Variants in PGM1 observed in about 807,000 individuals in gnomAD.
PGM1 encodes phosphoglucomutase 1.
A neutral mutation model predicts 55.6 loss-of-function variants in PGM1; 52 were observed. The ratio of observed to expected loss-of-function variants is 0.94; its 90% confidence interval spans 0.75 to 1.18. The LOEUF (loss-of-function observed/expected upper bound fraction) is 1.18, where lower values mean the gene tolerates loss of function less well. Among genes scored for constraint, PGM1 ranks in the 50% most tolerant of loss-of-function variants. PGM1 has a pLI of 0.00. For synonymous variants in PGM1, 287 were observed against 271.7 expected, an observed-to-expected ratio of 1.06 and a Z score of -0.55; for missense variants, 724 against 729.3, an observed-to-expected ratio of 0.99 and a Z score of 0.08.
In PGM1 at chr1:63,631,913, A is replaced by G. The variant is rs916617378; in HGVS notation, c.682+131A>G. 5.6e-6 allele frequency: 5 copies of G among 888,274 alleles called. No homozygotes were observed. The African/African-American group carries it at 8.3e-5, about 15-fold the overall frequency. 55.0% of individuals were successfully genotyped at this position (888,274 alleles called of 1,614,324 possible). ...GGTTTTTAAATAGAGTTATTTTGCAACCAGAGCAATATTCACACAGATAAA... is the reference window on the plus strand; with the variant it reads ...GGTTTTTAAATAGAGTTATTTTGCAGCCAGAGCAATATTCACACAGATAAA... On this transcript the variant is annotated intron_variant, in intron 4 of 10. Transcript: ENST00000371084.
intron 3 of PGM1, among the ~76,000 whole-genome samples, chr1:63,631,109 T>C (rs1649181096): frequency 6.6e-6 from 1 of 152,206 alleles, no homozygotes; most frequent in Non-Finnish European, 1.5e-5. Context: ...TACTAAGTTC[T>C]TATATTTATA....
intron 1 of PGM1, among the ~76,000 whole-genome samples, chr1:63,620,677 T>C (rs997220258): frequency 6.6e-6 from 1 of 152,216 alleles, no homozygotes. Context: ...GTATCACTGC[T>C]GATGCAAATG....
Position 63,593,703 on chromosome 1 carries a change from A to G in PGM1, c.215A>G (p.Gln72Arg), listed in dbSNP as rs1467264643. The G allele has an allele frequency of 6.2e-7, 1 of 1,602,338 alleles. No individual in the cohort carries two copies. Among genetic ancestry groups the G allele is most frequent in the Non-Finnish European group, 8.5e-7 (1 of 1,176,240 alleles). Residue 72 changes from glutamine to arginine, a missense_variant, in exon 1 of 11, where the codon CAG (glutamine) becomes CGG (arginine). Gln to Arg is a conservative substitution (Grantham distance 43). Coordinates refer to ENST00000371084, the MANE Select transcript of PGM1 (RefSeq NM_002633.3). ...DGRFYMKEAI[Q>R]LIARIAAANG... ...CGGTTCTACATGAAGGAGGCCATCC[A>G]GCTCATCGCTCGCATCGCTGCCGCC...
At chr1:63,596,600 C>T (rs1648079773) in intron 1 of PGM1, among the ~76,000 whole-genome samples, 1 of 152,044 alleles carries the variant, frequency 6.6e-6, no homozygotes, top group Non-Finnish European at 1.5e-5. Flanking sequence ...TGATTTTGTT[C>T]ACTCTCTCTA....
chr1:63,633,668 T>C (rs1364585194), intron 4 of PGM1, among the ~76,000 whole-genome samples: 1 of 150,172 alleles, frequency 6.7e-6, no homozygotes, highest in Admixed American at 6.7e-5. Flanking sequence ...GGTGGGTTTT[T>C]TATTTTCTTT....
chr1:63,605,119 C>G (rs1342566368), intron 1 of PGM1, among the ~76,000 whole-genome samples: 1 of 152,090 alleles, frequency 6.6e-6, no homozygotes, highest in Non-Finnish European at 1.5e-5. Flanking sequence ...GGGAGGAACT[C>G]TATCCACCTG....
At chr1:63,639,245 A>G (rs182698606) in intron 7 of PGM1, among the ~76,000 whole-genome samples, 4 of 152,308 alleles carry the variant, frequency 2.6e-5, no homozygotes, top group African/African-American at 7.2e-5. Flanking sequence ...CAAGTTTTCT[A>G]TAGCAGAGTA....
In PGM1 at chr1:63,651,814, T is replaced by C. The variant is rs1285779864; in HGVS notation, c.1426T>C (p.Tyr476His). The C allele has an allele frequency of 1.9e-6, 3 of 1,613,970 alleles. No homozygotes were observed. The highest frequency in any genetic ancestry group is 2.5e-6 in the Non-Finnish European group (3 of 1,179,970). Residue 476 changes from tyrosine (Y) to histidine (H), a missense_variant, in exon 9 of 11, where the codon TAC becomes CAC. Coordinates refer to ENST00000371084, the MANE Select transcript of PGM1 (RefSeq NM_002633.3). ...TGTGGAGAAGGCCGATAACTTTGAATACAGCGACCCAGTGGATGGAAGCAT... is the reference window on the plus strand; with the variant it reads ...TGTGGAGAAGGCCGATAACTTTGAACACAGCGACCCAGTGGATGGAAGCAT... ...YTVEKADNFE[Y>H]SDPVDGSISR...
chr1:63,654,847 CATTTA>C (rs1465411803), intron 10 of PGM1, among the ~76,000 whole-genome samples: 2 of 152,042 alleles, frequency 1.3e-5, no homozygotes, highest in Admixed American at 6.5e-5. Flanking sequence ...AAAATATACT[CATTTA>C]ATTCTCAAAT....
intron 1 of PGM1, among the ~76,000 whole-genome samples, chr1:63,598,621 A>G (rs1197626780): frequency 6.6e-6 from 1 of 152,234 alleles, no homozygotes; most frequent in Non-Finnish European, 1.5e-5. Flanking sequence ...CATTTATAAT[A>G]AAAGGAGGTG....
intron 10 of PGM1, among the ~76,000 whole-genome samples, chr1:63,657,474 T>A (rs1649997493): frequency 6.6e-6 from 1 of 152,234 alleles, no homozygotes; most frequent in Non-Finnish European, 1.5e-5. Context: ...CACTCTTAGT[T>A]TTTTTAGTCT....
intron 1 of PGM1, among the ~76,000 whole-genome samples, chr1:63,596,254 C>CTTTTTTTTTTTTTTTTTT (rs531673796): frequency 1.2e-4 from 13 of 111,326 alleles, no homozygotes; most frequent in South Asian, 3.1e-4. Context: ...TTTTCTTCTT[C>CTTTTTTTTTTTTTTTTTT]TTTTTTTTTT....
intron 1 of PGM1, among the ~76,000 whole-genome samples, chr1:63,599,470 A>G (rs1157972870): frequency 6.6e-6 from 1 of 150,494 alleles, no homozygotes; most frequent in East Asian, 2.0e-4. Context: ...GGCCCAAGTC[A>G]CTTTTTAACA....
intron 1 of PGM1, 156 bp downstream of exon 1, chr1:63,593,890 G>T: frequency 4.0e-6 from 5 of 1,262,444 alleles, no homozygotes; most frequent in Non-Finnish European, 5.0e-6. Flanking sequence ...CGCTCTTCTG[G>T]CCTGGAGGCC....
intron 1 of PGM1, among the ~76,000 whole-genome samples, chr1:63,629,116 T>C (rs2100981507): frequency 6.6e-6 from 1 of 152,286 alleles, no homozygotes; most frequent in African/African-American, 2.4e-5. Flanking sequence ...GTGGCCCCGA[T>C]CTGGAAAGGC....
rs558964106 is a variant in PGM1, at chr1:63,630,257, A to G, written c.556+169A>G. 3.9e-5 allele frequency among the ~76,000 whole-genome samples: 6 copies of G among 152,304 alleles called. No individual in the cohort carries two copies. The South Asian group carries it at 1.0e-3, about 26-fold the overall frequency. On this transcript the variant is annotated intron_variant, in intron 3 of 10. Coordinates refer to ENST00000371084, the MANE Select transcript of PGM1 (RefSeq NM_002633.3). ...AGTCTGGAATTAGGTTTGGGAGACC[A>G]GAGACCTGGGCTCCCTGGGCCCTGC...
intron 1 of PGM1, among the ~76,000 whole-genome samples, chr1:63,604,225 C>G (rs879676405): frequency 6.6e-6 from 1 of 152,174 alleles, no homozygotes; most frequent in African/African-American, 2.4e-5. Context: ...TTTATAGGTT[C>G]AATCAGCTGT....
At chr1:63,632,948 G>A (rs1012061654) in intron 4 of PGM1, among the ~76,000 whole-genome samples, 6 of 152,272 alleles carry the variant, frequency 3.9e-5, no homozygotes, top group South Asian at 2.1e-4. Context: ...GCTTGAATCC[G>A]GAAGGCGGAA....
chr1:63,655,693 A>T (rs923644216), intron 10 of PGM1: 5 of 152,260 alleles, frequency 3.3e-5, no homozygotes, highest in African/African-American at 1.2e-4. Flanking sequence ...GTTGTGGTAT[A>T]TTAGCCCCTT....
Sources: gnomAD v4.1 joint callset for allele counts (sites outside exome capture counted in the v4.1 genomes callset) on GRCh38, gnomAD v4.1.1 for gene constraint, MANE v1.5 for transcripts, NCBI Gene and HGNC (gene_info 2026-07-23, HGNC 2026-07-21) for gene names.